TSHZ3: variants seen among roughly 807,000 people sequenced by gnomAD.
TSHZ3 encodes teashirt zinc finger homeobox 3, also known as teashirt homolog 3.
TSHZ3 carries 10 observed loss-of-function variants against 64.5 expected under a neutral mutation model. The observed-to-expected ratio is 0.16, with a 90% CI of 0.10 to 0.26. TSHZ3 has a LOEUF of 0.26. TSHZ3 is among the 10% of genes least tolerant of loss of function. The pLI is 1.00. For synonymous variants in TSHZ3, 608 were observed against 593.1 expected (o/e 1.03, Z -0.36); for missense variants, 1,242 against 1,421.7 (o/e 0.87, Z 2.03).
downstream of TSHZ3, among the ~76,000 whole-genome samples, chr19:31,149,951 G>A (rs1417149257): frequency 6.6e-6 from 1 of 152,130 alleles, no homozygotes; most frequent in Non-Finnish European, 1.5e-5. Context: ...TACGGGAAAT[G>A]ATTTCTGTCA....
rs146880877 is a variant in TSHZ3 at position 31,344,149 on chromosome 19, A to G, written c.40+5031T>C. ...CTTTCATTTGTAACTTCAGACAGAG[A>G]AACCACAATTTAGAGCATAACTAAA... On this transcript the variant is annotated intron_variant, in intron 1 of 1. Transcript: ENST00000240587. 1.2e-3 allele frequency among the ~76,000 whole-genome samples: 189 copies of G among 152,328 alleles called. 1 individual carries two copies. Among genetic ancestry groups the G allele is most frequent in the African/African-American group, 4.3e-3 (177 of 41,562 alleles).
chr19:31,253,699 C>T (rs571046165), intron 1 of TSHZ3, among the ~76,000 whole-genome samples: 1 of 152,184 alleles, frequency 6.6e-6, no homozygotes, highest in South Asian at 2.1e-4. Context: ...ATAGTCTGTG[C>T]ATGCATGGGT....
At chr19:31,287,814 C>G (rs1461503658) in intron 1 of TSHZ3, among the ~76,000 whole-genome samples, 1 of 152,114 alleles carries the variant, frequency 6.6e-6, no homozygotes. Flanking sequence ...GGATGGCCAC[C>G]AAGGTAAAAG....
chr19:31,276,828 A>C lies in TSHZ3; in HGVS notation c.2965T>G (p.Ser989Ala), dbSNP rs1976244423. Residue 989 changes from serine to alanine, a missense_variant, in exon 2 of 2, where the codon TCC becomes GCC. Coordinates refer to ENST00000240587, the MANE Select transcript of TSHZ3 (RefSeq NM_020856.4). ...GACTCTAGGTGACTGATGTACGTGG[A>C]AGGAGTCCTGATTTGGGACGCACAA... ...NDCASQIRTP[S>A]TYISHLESHL... is the part of the protein sequence containing the mutation. The C allele has an allele frequency of 4.3e-6, 7 of 1,614,086 alleles. No individual in the cohort carries two copies. The highest frequency in any genetic ancestry group is 1.3e-5 in the African/African-American group (1 of 74,924).
At chr19:31,183,809 G>C (rs977205699) in intron 5 of TSHZ3, among the ~76,000 whole-genome samples, 1 of 152,088 alleles carries the variant, frequency 6.6e-6, no homozygotes, top group African/African-American at 2.4e-5. Context: ...ACAGGCGCTG[G>C]AGTGTTTTGA....
At chr19:31,187,396 C>T (rs201546058) in intron 5 of TSHZ3, among the ~76,000 whole-genome samples, 11 of 78,416 alleles carry the variant, frequency 1.4e-4, no homozygotes, top group Middle Eastern at 0.014. Context: ...CACGTTTAAT[C>T]GTGTTTTTTT....
At chr19:31,315,464 C>T (rs1034921335) in intron 1 of TSHZ3, among the ~76,000 whole-genome samples, 3 of 152,312 alleles carry the variant, frequency 2.0e-5, no homozygotes, top group East Asian at 1.9e-4. Flanking sequence ...TGCCAGGTGG[C>T]AGGACACATC....
chr19:31,297,814 A>G (rs1976690252), intron 1 of TSHZ3, among the ~76,000 whole-genome samples: 2 of 152,038 alleles, frequency 1.3e-5, no homozygotes, highest in Non-Finnish European at 2.9e-5. Flanking sequence ...TGGAGAGGAC[A>G]CTCAAAATAA....
intron 1 of TSHZ3, among the ~76,000 whole-genome samples, chr19:31,339,518 A>G (rs1021029819): frequency 2.0e-5 from 3 of 152,032 alleles, no homozygotes; most frequent in Admixed American, 6.6e-5. Context: ...ACAGCCTCAC[A>G]TGGACCTGGG....
intron 5 of TSHZ3, among the ~76,000 whole-genome samples, chr19:31,177,458 A>G (rs1466770392): frequency 6.6e-6 from 1 of 152,160 alleles, no homozygotes; most frequent in Non-Finnish European, 1.5e-5. Flanking sequence ...GCCGTCTGCA[A>G]TGTTCCTTGG....
At chr19:31,326,312 C>G (rs1401064009) in intron 1 of TSHZ3, among the ~76,000 whole-genome samples, 2 of 152,216 alleles carry the variant, frequency 1.3e-5, no homozygotes, top group Admixed American at 6.5e-5. Context: ...GAAGAAGACT[C>G]TCTTTTAACT....
intron 3 of TSHZ3, among the ~76,000 whole-genome samples, chr19:31,228,279 A>C (rs1240233267): frequency 6.6e-6 from 1 of 152,140 alleles, no homozygotes; most frequent in Non-Finnish European, 1.5e-5. Flanking sequence ...TAATCCCAGC[A>C]CTTCTGGAGG....
intron 1 of TSHZ3, among the ~76,000 whole-genome samples, chr19:31,341,746 T>G (rs1183904641): frequency 6.6e-6 from 1 of 152,042 alleles, no homozygotes; most frequent in Non-Finnish European, 1.5e-5. Context: ...GCTAGCATTC[T>G]CCTGGCTCCT....
At chr19:31,161,598 G>A (rs769099213) in intron 5 of TSHZ3, among the ~76,000 whole-genome samples, 9 of 152,110 alleles carry the variant, frequency 5.9e-5, no homozygotes, top group Non-Finnish European at 8.8e-5. Flanking sequence ...TCTCTGAGTC[G>A]CATCTGCATT....
chr19:31,250,570 C>A (rs1283431938), intron 1 of TSHZ3, among the ~76,000 whole-genome samples: 1 of 152,140 alleles, frequency 6.6e-6, no homozygotes, highest in Admixed American at 6.5e-5. Flanking sequence ...TTGTAATAAG[C>A]AAAAGATATG....
At chr19:31,349,101 G>A (rs2021614861) in intron 1 of TSHZ3, 79 bp downstream of exon 1, 3 of 1,496,538 alleles carry the variant, frequency 2.0e-6, no homozygotes, top group East Asian at 2.6e-5. Flanking sequence ...GGCGAGGAGC[G>A]GGGTCGCGCC....
chr19:31,171,675 A>G (rs750369370), intron 5 of TSHZ3, among the ~76,000 whole-genome samples: 1 of 152,164 alleles, frequency 6.6e-6, no homozygotes. Flanking sequence ...AAGAAAAGAT[A>G]TAATGGCCTA....
intron 4 of TSHZ3, among the ~76,000 whole-genome samples, chr19:31,209,392 AG>A (rs1441713061): frequency 6.6e-6 from 1 of 152,132 alleles, no homozygotes; most frequent in Non-Finnish European, 1.5e-5. Flanking sequence ...AGTAGTGATT[AG>A]GGGCACAGAT....
intron 1 of TSHZ3, among the ~76,000 whole-genome samples, chr19:31,333,827 G>A (rs1027404287): frequency 2.0e-5 from 3 of 152,106 alleles, no homozygotes; most frequent in Non-Finnish European, 2.9e-5. Context: ...CCAGGTTCCC[G>A]CACGCACGCT....
Sources: allele counts gnomAD v4.1 joint callset (sites outside exome capture counted in the v4.1 genomes callset), GRCh38; gene constraint gnomAD v4.1.1; transcripts MANE v1.5; gene names NCBI Gene and HGNC (gene_info 2026-07-23, HGNC 2026-07-21).